The following C4BPA variants were observed in gnomAD, a reference collection of about 807,000 sequenced individuals.
The protein encoded by C4BPA is complement component 4 binding protein alpha, also known as C4b-binding protein alpha chain.
C4BPA carries 31 observed loss-of-function variants against 63.7 expected under a neutral mutation model. The observed-to-expected ratio is 0.49, with a 90% CI of 0.37 to 0.66. C4BPA has a LOEUF of 0.66. Among genes scored for constraint, C4BPA ranks in the 30% least tolerant of loss-of-function variants. C4BPA has a pLI of 0.00. For synonymous variants in C4BPA, 259 were observed against 254.7 expected (o/e 1.02, Z -0.16); for missense variants, 572 against 723.3 (o/e 0.79, Z 2.40).
chr1:207,106,441 G>GTTTTTTTTTTTTT lies in C4BPA; in HGVS notation c.-26+2015_-26+2027dup, dbSNP rs757122192. 6.6e-3 allele frequency among the ~76,000 whole-genome samples: 775 copies of GTTTTTTTTTTTTT among 118,316 alleles called. 27 individuals carry two copies. The highest frequency in any genetic ancestry group is 0.02 in the African/African-American group (552 of 26,950). The allele number at this position is 118,316 out of a possible 152,430, so 77.6% of individuals were successfully genotyped here. A position where few individuals can be genotyped will look rare whatever the true frequency, so the allele number is the denominator to read the frequency against. On this transcript the variant is annotated intron_variant, in intron 1 of 11. Coordinates refer to ENST00000367070, the MANE Select transcript of C4BPA (RefSeq NM_000715.4). Reference sequence around the variant, plus strand: ...CTGTCTTATTCCTTCCTCCGTGTAAGTTTTTTTTTTTTTTTTGAAACGGAG... The same window carrying GTTTTTTTTTTTTT: ...CTGTCTTATTCCTTCCTCCGTGTAAGTTTTTTTTTTTTTTTTTTTTTTTTTTTTTGAAACGGAG...
chr1:207,106,534 G>A (rs1446911341), intron 1 of C4BPA, among the ~76,000 whole-genome samples: 2 of 128,058 alleles, frequency 1.6e-5, no homozygotes, highest in African/African-American at 6.5e-5. Context: ...CCGTCTCCCG[G>A]GTTCACAGGC....
intron 1 of C4BPA, among the ~76,000 whole-genome samples, chr1:207,111,952 A>G (rs1558086544): frequency 6.6e-6 from 1 of 152,144 alleles, no homozygotes; most frequent in Non-Finnish European, 1.5e-5. Context: ...TTATAGATTT[A>G]CAGTACAGAG....
chr1:207,138,591 G>T (rs1487387186), intron 9 of C4BPA, among the ~76,000 whole-genome samples: 4 of 152,146 alleles, frequency 2.6e-5, no homozygotes, highest in African/African-American at 9.7e-5. Flanking sequence ...AAATACACTA[G>T]GTTCTGCTGG....
At chr1:207,106,456 T>TTTTTTTTTC (rs1684562267) in intron 1 of C4BPA, among the ~76,000 whole-genome samples, 1 of 150,358 alleles carries the variant, frequency 6.7e-6, no homozygotes, top group African/African-American at 2.5e-5. Flanking sequence ...TTTTTTTTTT[T>TTTTTTTTTC]TGAAACGGAG....
At chr1:207,107,279 G>T (rs573893824) in intron 1 of C4BPA, among the ~76,000 whole-genome samples, 1 of 152,322 alleles carries the variant, frequency 6.6e-6, no homozygotes, top group South Asian at 2.1e-4. Flanking sequence ...TTTGTATGGT[G>T]GCTCACGCCT....
rs767908699 is a variant in C4BPA at position 207,126,764 on chromosome 1, T to G, written c.758T>G (p.Phe253Cys). Residue 253 changes from phenylalanine (F) to cysteine (C), a missense_variant, in exon 7 of 12, where the codon TTT (phenylalanine) becomes TGT (cysteine). Transcript: ENST00000367070. ...TCACATGGGGAAATGGTCTCTGGATTTGGACCCATCTATAATTACAAAGAC... is the reference window on the plus strand; with the variant it reads ...TCACATGGGGAAATGGTCTCTGGATGTGGACCCATCTATAATTACAAAGAC... ...DVSHGEMVSG[F>C]GPIYNYKDTI... The G allele has an allele frequency of 1.2e-6, 2 of 1,612,730 alleles. No homozygotes were observed. Among genetic ancestry groups the G allele is most frequent in the Non-Finnish European group, 1.7e-6 (2 of 1,179,264 alleles).
intron 10 of C4BPA, among the ~76,000 whole-genome samples, chr1:207,141,924 AT>A (rs997250196): frequency 7.9e-5 from 12 of 151,670 alleles, no homozygotes; most frequent in African/African-American, 2.9e-4. Context: ...CAAGAAGGAA[AT>A]TTTTTTTATT....
At chr1:207,140,201 G>C (rs1234043597) in intron 9 of C4BPA, among the ~76,000 whole-genome samples, 1 of 152,158 alleles carries the variant, frequency 6.6e-6, no homozygotes. Flanking sequence ...TTTGATGCTG[G>C]TTCTCCTCTT....
Position 207,109,182 on chromosome 1 carries a change from C to CA in C4BPA, c.-25-3818dup, listed in dbSNP as rs1265789000. Among the ~76,000 whole-genome samples the CA allele has an allele frequency of 2.0e-5, 3 of 152,340 alleles. No individual in the cohort carries two copies. The East Asian group carries it at 5.8e-4, about 29-fold the overall frequency. On this transcript the variant is annotated intron_variant, in intron 1 of 11. Transcript: ENST00000367070. ...TTAGATCTCACTGTACCAAAGGCCA[C>CA]AGTGGAGACCAGATCCAGGGCTTCT...
At chr1:207,137,942 G>A (rs567736388) in intron 9 of C4BPA, among the ~76,000 whole-genome samples, 1 of 152,260 alleles carries the variant, frequency 6.6e-6, no homozygotes, top group South Asian at 2.1e-4. Context: ...TTAGATTTAA[G>A]ATCTGTGTTG....
intron 4 of C4BPA, among the ~76,000 whole-genome samples, chr1:207,123,152 T>G (rs1198473027): frequency 6.6e-6 from 1 of 152,208 alleles, no homozygotes; most frequent in Non-Finnish European, 1.5e-5. Flanking sequence ...ATTTTGCACT[T>G]AGTCTCTGGG....
In C4BPA at chr1:207,113,140, A is replaced by G; in HGVS notation, c.115A>G (p.Ile39Val). The change falls in exon 2 of 12, where the codon ATC (isoleucine) becomes GTC (valine). Residue 39 changes from isoleucine to valine, a missense_variant. By Grantham distance (29) the Ile-to-Val change is conservative. Coordinates refer to ENST00000367070, the MANE Select transcript of C4BPA (RefSeq NM_000715.4). Reference protein sequence around the residue: ...SDPILFQMTLIAALLPAVLGN... With the variant: ...SDPILFQMTLVAALLPAVLGN... The stretch of plus-strand genomic sequence containing the variant: ...TCCAATTCTCTTCCAAATGACCTTG[A>G]TCGCTGCTCTGTTGCCTGCTGTTCT... 6.2e-7 allele frequency: 1 copy of G among 1,611,458 alleles called. No homozygotes were observed. The highest frequency in any genetic ancestry group is 1.1e-5 in the South Asian group (1 of 90,502).
chr1:207,114,253 A>C lies in C4BPA; in HGVS notation c.296A>C (p.Asp99Ala). 1 of 1,613,354 alleles carries C rather than the reference A, an allele frequency of 6.2e-7. No homozygotes were observed. The highest frequency in any genetic ancestry group is 8.5e-7 in the Non-Finnish European group (1 of 1,179,528). Residue 99 changes from aspartate to alanine, a missense_variant, in exon 3 of 12, where the codon GAT becomes GCT. By Grantham distance (126) the Asp-to-Ala change is moderately radical. This residue lies in a region of C4BPA where 465 missense variants were observed against 629.4 expected (regional missense o/e 0.74). Transcript: ENST00000367070. Reference protein sequence around the residue: ...HSTQTLTCNSDGEWVYNTFCI... With the variant: ...HSTQTLTCNSAGEWVYNTFCI... ...ACTCAGACGCTTACCTGTAATTCTG[A>C]TGGCGAATGGGTGTATAACACCTTC... is the stretch of plus-strand genomic sequence containing the variant.
chr1:207,140,168 CT>C (rs1558098128), intron 9 of C4BPA, among the ~76,000 whole-genome samples: 1 of 152,146 alleles, frequency 6.6e-6, no homozygotes, highest in African/African-American at 2.4e-5. Context: ...CATTAATGAC[CT>C]TTTTTGTCAT....
Position 207,114,056 on chromosome 1 carries a change from C to G in C4BPA, c.143-44C>G, listed in dbSNP as rs796589446. The G allele has an allele frequency of 4.6e-6, 7 of 1,522,684 alleles. 1 individual carries two copies. In the African/African-American group the frequency reaches 9.6e-5, roughly 21 times the overall value. 94.3% of individuals were successfully genotyped at this position (1,522,684 alleles called of 1,614,324 possible). A position where few individuals can be genotyped will look rare whatever the true frequency, so the allele number is the denominator to read the frequency against. On this transcript the variant is annotated intron_variant, in intron 2 of 11. Transcript: ENST00000367070. Reference sequence around the variant, plus strand: ...CTTCAGAAACAATAAGATGCTGTGTCCCAAGGTATAAGTTTTGGTGCTCCT... The same window carrying G: ...CTTCAGAAACAATAAGATGCTGTGTGCCAAGGTATAAGTTTTGGTGCTCCT...
chr1:207,135,219 T>C (rs1350816065), intron 9 of C4BPA, among the ~76,000 whole-genome samples: 1 of 152,060 alleles, frequency 6.6e-6, no homozygotes, highest in African/African-American at 2.4e-5. Flanking sequence ...GGGCCTGTAG[T>C]CCCAGCTACT....
In C4BPA at chr1:207,128,314, C is replaced by T. The variant is rs114349851; in HGVS notation, c.889+1419C>T. Among the ~76,000 whole-genome samples, 556 of 152,250 alleles carry T rather than the reference C, an allele frequency of 3.7e-3. 5 individuals are homozygous for T. Among genetic ancestry groups the T allele is most frequent in the African/African-American group, 0.013 (529 of 41,540 alleles). On this transcript the variant is annotated intron_variant, in intron 7 of 11. Coordinates refer to ENST00000367070, the MANE Select transcript of C4BPA (RefSeq NM_000715.4). ...AGTTCCTACTTCCCCCTTTTCTCTT[C>T]TCACAGCTCCTACACCATAAGAAGA...
At chr1:207,135,195 A>C (rs1685253778) in intron 9 of C4BPA, among the ~76,000 whole-genome samples, 1 of 152,120 alleles carries the variant, frequency 6.6e-6, no homozygotes, top group Admixed American at 6.5e-5. Flanking sequence ...AAAATTAGCC[A>C]GGCATGGTGG....
chr1:207,125,979 G>A (rs559647821), intron 6 of C4BPA, among the ~76,000 whole-genome samples: 1 of 151,998 alleles, frequency 6.6e-6, no homozygotes, highest in African/African-American at 2.4e-5. Context: ...GCTTGTCGGG[G>A]CATGGGTCTC....
Sources: allele counts gnomAD v4.1 joint callset (sites outside exome capture counted in the v4.1 genomes callset), GRCh38; gene constraint gnomAD v4.1.1; regional missense constraint gnomAD v4.1.1; transcripts MANE v1.5; gene names NCBI Gene and HGNC (gene_info 2026-07-23, HGNC 2026-07-21).